TTLL5: variants seen among roughly 807,000 people sequenced by gnomAD.
TTLL5 encodes tubulin tyrosine ligase like 5.
Under a neutral mutation model 168.4 loss-of-function variants are expected in TTLL5, and 132 were observed. That is an observed-to-expected ratio of 0.78 (90% CI 0.68 to 0.91). The LOEUF (loss-of-function observed/expected upper bound fraction) is 0.91, where lower values mean the gene tolerates loss of function less well. TTLL5 is among the 40% of genes least tolerant of loss of function. The pLI, the probability that TTLL5 is intolerant of heterozygous loss-of-function variation, is 0.00. For missense variants in TTLL5, 1,545 were observed against 1,581.5 expected, an observed-to-expected ratio of 0.98 and a Z score of 0.39; for synonymous variants, 546 against 558.6, an observed-to-expected ratio of 0.98 and a Z score of 0.32.
intron 26 of TTLL5, among the ~76,000 whole-genome samples, chr14:75,786,049 TTTC>T (rs1469287503): frequency 6.6e-6 from 1 of 152,238 alleles, no homozygotes; most frequent in African/African-American, 2.4e-5. Flanking sequence ...CCAGTCTATA[TTTC>T]TTAATACCTG....
At chr14:75,896,307 A>AT (rs2032659373) in intron 30 of TTLL5, among the ~76,000 whole-genome samples, 1 of 151,996 alleles carries the variant, frequency 6.6e-6, no homozygotes, top group South Asian at 2.1e-4. Flanking sequence ...CAGGGTATGT[A>AT]TTTTTTGTTT....
rs1449080948 is a variant in TTLL5, at chr14:75,699,246, G to A, written c.561G>A (p.Gly187=). The change falls in exon 7 of 32, where the codon GGG becomes GGA. Residue 187 remains glycine (G), a synonymous_variant. Coordinates refer to ENST00000298832, the MANE Select transcript of TTLL5 (RefSeq NM_015072.5). ...WIVKPVASSR[G]RGVYLINNPN... ...TAAAACCAGTGGCATCTTCAAGGGG[G>A]CGGGGCGTCTACCTGATCAACAATG... 2.5e-6 allele frequency: 4 copies of A among 1,613,846 alleles called. No homozygotes were observed. In the African/African-American group the frequency reaches 5.3e-5, roughly 22 times the overall value.
chr14:75,720,775 G>A (rs1222039151), intron 12 of TTLL5, 72 bp downstream of exon 12: 1 of 1,234,756 alleles, frequency 8.1e-7, no homozygotes, highest in Non-Finnish European at 1.2e-6. Context: ...TTTTAGGGTA[G>A]AGAGGCTTAG....
chr14:75,768,717 GC>G (rs1178328075), intron 20 of TTLL5, among the ~76,000 whole-genome samples: 2 of 152,158 alleles, frequency 1.3e-5, no homozygotes, highest in African/African-American at 4.8e-5. Flanking sequence ...AGGAAGTTTA[GC>G]CGTTTATGCA....
chr14:75,663,357 T>G, intron 2 of TTLL5, 134 bp downstream of exon 2: 1 of 890,416 alleles, frequency 1.1e-6, no homozygotes, highest in Non-Finnish European at 1.7e-6. Flanking sequence ...TTGGGGATTA[T>G]CTAACTCTGG....
At chr14:75,835,244 A>C (rs991815729) in intron 28 of TTLL5, 1 of 152,250 alleles carries the variant, frequency 6.6e-6, no homozygotes, top group Admixed American at 6.5e-5. Flanking sequence ...GGATCAAAAG[A>C]TGCAAGACAA....
intron 27 of TTLL5, among the ~76,000 whole-genome samples, chr14:75,806,704 A>G (rs958724869): frequency 1.3e-5 from 2 of 152,086 alleles, no homozygotes; most frequent in Non-Finnish European, 2.9e-5. Flanking sequence ...CAGACAGTGA[A>G]CTCCTTGAGG....
chr14:75,801,437 C>A (rs529184377), intron 27 of TTLL5, among the ~76,000 whole-genome samples: 7 of 152,286 alleles, frequency 4.6e-5, no homozygotes, highest in Admixed American at 3.3e-4. Context: ...GTGTCCATCA[C>A]CTCAAGCATT....
chr14:75,813,267 TGTTTGTGTGTGTG>T (rs1894171260), intron 27 of TTLL5, among the ~76,000 whole-genome samples: 1 of 83,608 alleles, frequency 1.2e-5, no homozygotes, highest in Non-Finnish European at 2.5e-5. Flanking sequence ...ACTGTGTGTG[TGTTTGTGTGTGTG>T]TGTGTGTGTG....
intron 28 of TTLL5, among the ~76,000 whole-genome samples, chr14:75,848,904 T>C (rs1447903289): frequency 6.6e-6 from 1 of 152,212 alleles, no homozygotes; most frequent in Admixed American, 6.5e-5. Context: ...CCAGATGTAC[T>C]AAGAAATCCA....
chr14:75,846,974 C>T (rs1252689272), intron 28 of TTLL5, among the ~76,000 whole-genome samples: 2 of 151,900 alleles, frequency 1.3e-5, no homozygotes, highest in Admixed American at 6.6e-5. Flanking sequence ...CAAAGAATTA[C>T]ATTGGATTAA....
At chr14:75,757,904 A>C in intron 18 of TTLL5, 1 of 1,576,744 alleles carries the variant, frequency 6.3e-7, no homozygotes, top group Non-Finnish European at 8.6e-7. Flanking sequence ...AATGCTTTCC[A>C]TGTGCATAAT....
At chr14:75,725,146 C>A (rs1888112519) in intron 12 of TTLL5, among the ~76,000 whole-genome samples, 1 of 152,194 alleles carries the variant, frequency 6.6e-6, no homozygotes, top group African/African-American at 2.4e-5. Flanking sequence ...GTTGACGATA[C>A]CTGGTTTGGT....
At chr14:75,925,915 C>T (rs540990022) in intron 31 of TTLL5, among the ~76,000 whole-genome samples, 2 of 152,006 alleles carry the variant, frequency 1.3e-5, no homozygotes, top group South Asian at 2.1e-4. Flanking sequence ...TCAGGCGTGG[C>T]GGCGCGCACC....
chr14:75,763,090 C>T (rs2140294082), intron 18 of TTLL5, among the ~76,000 whole-genome samples: 1 of 151,718 alleles, frequency 6.6e-6, no homozygotes, highest in Non-Finnish European at 1.5e-5. Flanking sequence ...CCATGTTTGT[C>T]CATATAGTTA....
At chr14:75,800,806 T>A (rs1388206025) in intron 27 of TTLL5, among the ~76,000 whole-genome samples, 2 of 151,976 alleles carry the variant, frequency 1.3e-5, no homozygotes, top group African/African-American at 4.8e-5. Context: ...CTGTGAAGAG[T>A]CCTGTGATGT....
chr14:75,739,515 T>G (rs1050591311), intron 15 of TTLL5, among the ~76,000 whole-genome samples: 1 of 152,216 alleles, frequency 6.6e-6, no homozygotes. Flanking sequence ...TGCCTTTTCC[T>G]TTTTAAACCA....
At position 75,929,280 on chromosome 14, in the gene TTLL5, CA is replaced by C. The variant is rs369844859; in HGVS notation, c.3824-25141del. Among the ~76,000 whole-genome samples the C allele has an allele frequency of 2.6e-4, 39 of 152,154 alleles. 1 individual carries two copies. The East Asian group carries it at 4.6e-3, about 18-fold the overall frequency. On this transcript the variant is annotated intron_variant, in intron 31 of 31. Coordinates refer to ENST00000298832, the MANE Select transcript of TTLL5 (RefSeq NM_015072.5). ...ATTTGTGTGAATTTGGGCAAGTCAC[CA>C]AACCTCTTTGGTCTCAGGGTCCTCA...
chr14:75,883,051 G>C (rs746292731), intron 30 of TTLL5, 149 bp downstream of exon 30: 8 of 899,216 alleles, frequency 8.9e-6, no homozygotes, highest in Non-Finnish European at 1.3e-5. Flanking sequence ...AGTTCTCAGC[G>C]TGGGCTACAA....
Sources: gnomAD v4.1 joint callset for allele counts (sites outside exome capture counted in the v4.1 genomes callset) on GRCh38, gnomAD v4.1.1 for gene constraint, MANE v1.5 for transcripts, NCBI Gene and HGNC (gene_info 2026-07-23, HGNC 2026-07-21) for gene names.